Variants in SLC35B3 observed in about 807,000 individuals in gnomAD.
SLC35B3 encodes the protein adenosine 3'-phospho 5'-phosphosulfate transporter 2.
A neutral mutation model predicts 44.1 loss-of-function variants in SLC35B3; 35 were observed. The observed-to-expected ratio is 0.79, with a 90% CI of 0.61 to 1.05. The LOEUF (loss-of-function observed/expected upper bound fraction) is 1.05, where lower values mean the gene tolerates loss of function less well. Ranked by LOEUF, SLC35B3 falls within the 50% of genes least tolerant of loss-of-function variation. The pLI, the probability that SLC35B3 is intolerant of heterozygous loss-of-function variation, is 0.00. For synonymous variants in SLC35B3, 146 were observed against 167.3 expected, an observed-to-expected ratio of 0.87 and a Z score of 0.98; for missense variants, 414 against 476.4, an observed-to-expected ratio of 0.87 and a Z score of 1.22.
At chr6:8,429,023 AT>A (rs1177544858) in intron 3 of SLC35B3, among the ~76,000 whole-genome samples, 2 of 152,178 alleles carry the variant, frequency 1.3e-5, no homozygotes, top group Non-Finnish European at 2.9e-5. Context: ...GAATACAACA[AT>A]TTTTAAATTC....
chr6:8,429,835 A>C (rs777135973), intron 3 of SLC35B3, 29 bp downstream of exon 2: 2 of 1,438,674 alleles, frequency 1.4e-6, no homozygotes, highest in East Asian at 5.0e-5. Context: ...ATAAATAATT[A>C]ACATATTACA....
rs1763799332 is a variant in SLC35B3 at position 8,429,925 on chromosome 6, G to C, written c.236C>G (p.Thr79Ser). The change falls in exon 3 of 11, where the codon ACT (threonine) becomes AGT (serine). Residue 79 changes from threonine to serine, a missense_variant. Transcript: ENST00000644923. ...TCCAGCAACACATATGAAAAACTGAGTAAGTTTGTTAAACTTGCTGAGATT... is the reference window on the plus strand; with the variant it reads ...TCCAGCAACACATATGAAAAACTGACTAAGTTTGTTAAACTTGCTGAGATT... The C allele has an allele frequency of 2.5e-6, 4 of 1,610,696 alleles. No homozygotes were observed. The highest frequency in any genetic ancestry group is 3.4e-6 in the Non-Finnish European group (4 of 1,178,588).
intron 5 of SLC35B3, among the ~76,000 whole-genome samples, chr6:8,421,539 AT>A (rs1561752321): frequency 6.6e-6 from 1 of 152,180 alleles, no homozygotes; most frequent in East Asian, 1.9e-4. Flanking sequence ...ATCAGGCTGT[AT>A]AAGAACTTCA....
intron 3 of SLC35B3, among the ~76,000 whole-genome samples, 199 bp from the exon 3 acceptor site, chr6:8,428,257 C>G (rs1038001766): frequency 6.6e-6 from 1 of 152,054 alleles, no homozygotes; most frequent in African/African-American, 2.4e-5. Context: ...TGATATAAAC[C>G]TTCTTCTTTT....
In SLC35B3 at chr6:8,429,995, A is replaced by T. The variant is rs1232953560; in HGVS notation, c.166T>A (p.Ser56Thr). The T allele has an allele frequency of 6.2e-7, 1 of 1,614,026 alleles. No individual in the cohort carries two copies. Among genetic ancestry groups the T allele is most frequent in the Admixed American group, 1.7e-5 (1 of 59,986 alleles). The stretch of plus-strand genomic sequence containing the variant: ...TCGTCAACTGACTTGATGTGTGGTG[A>T]CATTGTTTGGGTTTTGGATGGCACA... Residue 56 changes from serine to threonine, a missense_variant, in exon 3 of 11, where the codon TCA (serine) becomes ACA (threonine). Physicochemically the swap from Ser to Thr is moderately conservative, Grantham distance 58 (BLOSUM62 1). Coordinates refer to ENST00000644923, the MANE Select transcript of SLC35B3 (RefSeq NM_001370476.2).
intron 10 of SLC35B3, among the ~76,000 whole-genome samples, chr6:8,413,939 C>G (rs1175348674): frequency 7.9e-5 from 12 of 152,012 alleles, no homozygotes; most frequent in African/African-American, 2.9e-4. Context: ...TTTTATATGA[C>G]ATAGTTCATT....
In SLC35B3 at chr6:8,434,561, A is replaced by C. The variant is rs1764304024; in HGVS notation, c.-43-131T>G. 1.7e-6 allele frequency: 1 copy of C among 586,328 alleles called. No individual in the cohort carries two copies. Among genetic ancestry groups the C allele is most frequent in the African/African-American group, 1.9e-5 (1 of 52,680 alleles). The allele number at this position is 586,328 out of a possible 1,614,324, so 36.3% of individuals were successfully genotyped here. A position where few individuals can be genotyped will look rare whatever the true frequency, so the allele number is the denominator to read the frequency against. On this transcript the variant is annotated intron_variant, in intron 1 of 10. Coordinates refer to ENST00000644923, the MANE Select transcript of SLC35B3 (RefSeq NM_001370476.2). This position sits in a 1 kb window ranked among gnomAD's most constrained non-coding sequence, Gnocchi z 6.3. The stretch of plus-strand genomic sequence containing the variant: ...TATTCTTTTTTTTTTCCAAGAGAAA[A>C]AGTTAACACTAGGACTTTATATATT...
At chr6:8,426,515 G>C (rs769972971) in intron 4 of SLC35B3, among the ~76,000 whole-genome samples, 4 of 152,060 alleles carry the variant, frequency 2.6e-5, no homozygotes, top group Non-Finnish European at 4.4e-5. Flanking sequence ...TTTTATCAGG[G>C]GTTTCCGCTT....
chr6:8,422,709 TA>T, intron 4 of SLC35B3, 85 bp from the exon 4 acceptor site: 1 of 1,036,416 alleles, frequency 9.6e-7, no homozygotes, highest in Non-Finnish European at 1.4e-6. Context: ...TGTAAATGTC[TA>T]ATTACTTTTC....
At chr6:8,417,046 T>G in intron 8 of SLC35B3, 51 bp from the exon 8 acceptor site, 2 of 964,830 alleles carry the variant, frequency 2.1e-6, no homozygotes, top group African/African-American at 1.7e-5. Context: ...AACTCCGAGG[T>G]ATTACAAATA....
intron 4 of SLC35B3, among the ~76,000 whole-genome samples, chr6:8,424,115 A>G (rs1763190057): frequency 6.6e-6 from 1 of 152,256 alleles, no homozygotes; most frequent in Non-Finnish European, 1.5e-5. Flanking sequence ...AAGGAGCTCA[A>G]AAAATTCTGA....
In SLC35B3 at chr6:8,434,577, TTTATATA is replaced by T; in HGVS notation, c.-43-154_-43-148del. 1 of 487,150 alleles carries T rather than the reference TTTATATA, an allele frequency of 2.1e-6. No individual in the cohort carries two copies. The highest frequency in any genetic ancestry group is 3.3e-5 in the East Asian group (1 of 29,864). 30.2% of individuals were successfully genotyped at this position (487,150 alleles called of 1,614,324 possible). A position where few individuals can be genotyped will look rare whatever the true frequency, so the allele number is the denominator to read the frequency against. ...CAAGAGAAAAAGTTAACACTAGGACTTTATATATTAAGTAATTAAGTAAAAATAACGC... is the reference window on the plus strand; with the variant it reads ...CAAGAGAAAAAGTTAACACTAGGACTTTAAGTAATTAAGTAAAAATAACGC... On this transcript the variant is annotated intron_variant, in intron 1 of 10. Coordinates refer to ENST00000644923, the MANE Select transcript of SLC35B3 (RefSeq NM_001370476.2). This position sits in a 1 kb window ranked among gnomAD's most constrained non-coding sequence, Gnocchi z 6.3.
chr6:8,416,914 TAATC>T lies in SLC35B3; in HGVS notation c.951_954del (p.Ile318LysfsTer9), dbSNP rs762496040. On this transcript the variant is annotated frameshift_variant, in exon 9 of 11. Transcript: ENST00000644923. LOFTEE classifies it high-confidence loss of function. ...ACAGCAATAAGTGCACCAAAAATTT[TAATC>T]AAAGCCAGAACAAAGGAGATTCCAA... The T allele has an allele frequency of 6.3e-7, 1 of 1,599,012 alleles. No homozygotes were observed. Among genetic ancestry groups the T allele is most frequent in the South Asian group, 1.1e-5 (1 of 88,084 alleles).
rs1764114352 is a variant in SLC35B3 at position 8,432,753 on chromosome 6, C to T, written c.3+1632G>A. Among the ~76,000 whole-genome samples the T allele has an allele frequency of 6.6e-6, 1 of 152,138 alleles. No individual in the cohort carries two copies. The highest frequency in any genetic ancestry group is 6.5e-5 in the Admixed American group (1 of 15,274). The stretch of plus-strand genomic sequence containing the variant: ...GACAGTCCATAAGTGTGTTAGCTGT[C>T]ATCCTTCAACTTTTTAGAAATATTG... On this transcript the variant is annotated intron_variant, in intron 2 of 10. Coordinates refer to ENST00000644923, the MANE Select transcript of SLC35B3 (RefSeq NM_001370476.2). This position sits in a 1 kb window ranked among gnomAD's most constrained non-coding sequence, Gnocchi z 4.8.
chr6:8,427,106 C>A (rs761636596), intron 4 of SLC35B3, among the ~76,000 whole-genome samples: 1 of 152,152 alleles, frequency 6.6e-6, no homozygotes. Context: ...GAAAGCATTC[C>A]ATTTTAAAAC....
chr6:8,416,195 T>C (rs1762398804), intron 9 of SLC35B3, among the ~76,000 whole-genome samples: 1 of 152,190 alleles, frequency 6.6e-6, no homozygotes, highest in Non-Finnish European at 1.5e-5. Flanking sequence ...TAGGGCTATG[T>C]ATGCATTAGC....
rs760067704 is a variant in SLC35B3 at position 8,414,981 on chromosome 6, T to C, written c.986-4A>G. 11 of 1,596,736 alleles carry C rather than the reference T, an allele frequency of 6.9e-6. No homozygotes were observed. In the East Asian group the frequency reaches 2.0e-4, roughly 29 times the overall value. On this transcript the variant is annotated splice_polypyrimidine_tract_variant and splice_region_variant and intron_variant, in intron 9 of 10. Coordinates refer to ENST00000644923, the MANE Select transcript of SLC35B3 (RefSeq NM_001370476.2). ...ATTGCTTTTCTTCCTGTTGTCACTG[T>C]AGGAGCAAAAAATTAGTTTAGAATG...
rs150192861 is a variant in SLC35B3 at position 8,434,221 on chromosome 6, AATT to A, written c.3+161_3+163del. Among the ~76,000 whole-genome samples the A allele has an allele frequency of 0.016, 2,376 of 152,208 alleles. 59 individuals are homozygous for A. Among genetic ancestry groups the A allele is most frequent in the African/African-American group, 0.055 (2,282 of 41,506 alleles). Reference sequence around the variant, plus strand: ...AGTTACAATGACCTATTGAAGTCACAATTATTTCAGTTTATTTTTGAGTTTTCC... The same window carrying A: ...AGTTACAATGACCTATTGAAGTCACAATTTCAGTTTATTTTTGAGTTTTCC... On this transcript the variant is annotated intron_variant, in intron 2 of 10. Transcript: ENST00000644923. This position sits in a 1 kb window ranked among gnomAD's most constrained non-coding sequence, Gnocchi z 6.3.
chr6:8,428,923 T>G (rs1010176478), intron 3 of SLC35B3, among the ~76,000 whole-genome samples: 1 of 152,164 alleles, frequency 6.6e-6, no homozygotes, highest in Non-Finnish European at 1.5e-5. Flanking sequence ...ATATTGTTCA[T>G]AGCATTCTTG....
Sources: allele counts gnomAD v4.1 joint callset (sites outside exome capture counted in the v4.1 genomes callset), GRCh38; gene constraint gnomAD v4.1.1; non-coding constraint Gnocchi (gnomAD v3.1); transcripts MANE v1.5; gene names NCBI Gene and HGNC (gene_info 2026-07-23, HGNC 2026-07-21).